Variants in WDFY4 observed in about 807,000 individuals in gnomAD.
WDFY4 encodes WDFY family member 4.
In WDFY4, 169 loss-of-function variants were observed where a neutral mutation model predicts 351.9. The ratio of observed to expected loss-of-function variants is 0.48; its 90% CI spans 0.42 to 0.55. WDFY4 has a LOEUF of 0.55. Among genes scored for constraint, WDFY4 ranks in the 20% least tolerant of loss-of-function variants. WDFY4 has a pLI of 0.00. For missense variants in WDFY4, 3,803 were observed against 3,935.6 expected, an observed-to-expected ratio of 0.97 and a Z score of 0.90; for synonymous variants, 1,622 against 1,574.6, an observed-to-expected ratio of 1.03 and a Z score of -0.71.
At chr10:48,829,568 G>A (rs1346344577) in intron 37 of WDFY4, among the ~76,000 whole-genome samples, 1 of 152,090 alleles carries the variant, frequency 6.6e-6, no homozygotes, top group African/African-American at 2.4e-5. Context: ...TTGTACACAC[G>A]ACCAGGTGCA....
chr10:48,721,924 C>T (rs7901281), intron 4 of WDFY4, among the ~76,000 whole-genome samples: 43,199 of 152,004 alleles, frequency 0.28, 6,391 homozygotes, highest in South Asian at 0.4. Context: ...GTACCTGTCT[C>T]GCCCTCGCCC....
At chr10:48,867,085 G>T (rs1350922200) in intron 39 of WDFY4, among the ~76,000 whole-genome samples, 180 bp from the exon 40 acceptor site, 1 of 151,868 alleles carries the variant, frequency 6.6e-6, no homozygotes, top group Non-Finnish European at 1.5e-5. Context: ...CAGGAGAATT[G>T]CTTGAACCTG....
intron 35 of WDFY4, chr10:48,824,157 C>T: frequency 3.0e-6 from 3 of 985,438 alleles, no homozygotes; most frequent in Non-Finnish European, 3.6e-6. Context: ...ATCTTCTGGA[C>T]TCCGTCTCCA....
intron 32 of WDFY4, among the ~76,000 whole-genome samples, chr10:48,819,451 G>A (rs536768411): frequency 6.6e-6 from 1 of 152,242 alleles, no homozygotes; most frequent in Non-Finnish European, 1.5e-5. Context: ...GCTTAATTAA[G>A]AACGGCCGCA....
In WDFY4 at chr10:48,832,646, C is replaced by A. The variant is rs1370059934; in HGVS notation, c.6600C>A (p.Ser2200Arg). Residue 2200 changes from serine to arginine, a missense_variant, in exon 39 of 62, where the codon AGC becomes AGA. By Grantham distance (110) the Ser-to-Arg change is moderately radical. This residue lies in a region of WDFY4 where 3,054 missense variants were observed against 3,148.6 expected (regional missense o/e 0.97). Coordinates refer to ENST00000325239, the MANE Select transcript of WDFY4 (RefSeq NM_001394531.1). The part of the protein sequence containing the change: ...HHSKVTLWSG[S>R]LSSAMKLMPG... ...GCAAAGTCACTTTGTGGAGTGGAAG[C>A]CTGTCCTCAGCCATGAAGCTGATGC... The A allele has an allele frequency of 1.3e-6, 2 of 1,551,152 alleles. No homozygotes were observed. The highest frequency in any genetic ancestry group is 1.7e-6 in the Non-Finnish European group (2 of 1,146,650).
chr10:48,896,755 C>T (rs1255860465), intron 44 of WDFY4, among the ~76,000 whole-genome samples: 1 of 152,192 alleles, frequency 6.6e-6, no homozygotes, highest in Non-Finnish European at 1.5e-5. Context: ...CTGCCAAGTG[C>T]TCTGTACTCC....
In WDFY4 at chr10:48,731,142, G is replaced by A. The variant is rs1313505810; in HGVS notation, c.1162G>A (p.Val388Ile). 11 of 1,549,784 alleles carry A rather than the reference G, an allele frequency of 7.1e-6. No homozygotes were observed. Among genetic ancestry groups the A allele is most frequent in the Non-Finnish European group, 9.6e-6 (11 of 1,145,642 alleles). ...TGTTAAGAATCTTCAGGCCTTCCAG[G>A]TCCTACAGAATGTTTTCCACAAAGC... ...VTVKNLQAFQ[V>I]LQNVFHKASD... Residue 388 changes from valine to isoleucine, a missense_variant, in exon 9 of 62, where the codon GTC becomes ATC. This residue lies in a region of WDFY4 where 488 missense variants were observed against 456.8 expected (regional missense o/e 1.07). Coordinates refer to ENST00000325239, the MANE Select transcript of WDFY4 (RefSeq NM_001394531.1).
At chr10:48,751,432 G>A (rs1178479757) in intron 12 of WDFY4, among the ~76,000 whole-genome samples, 2 of 152,208 alleles carry the variant, frequency 1.3e-5, no homozygotes, top group Non-Finnish European at 2.9e-5. Context: ...CTGGAAAGGA[G>A]AGGAGCAAAG....
intron 5 of WDFY4, among the ~76,000 whole-genome samples, chr10:48,724,723 T>A (rs1029547112): frequency 6.6e-6 from 1 of 152,114 alleles, no homozygotes; most frequent in African/African-American, 2.4e-5. Context: ...AGACAGATGG[T>A]TGCTGCAGCA....
chr10:48,916,541 C>T (rs981772047), intron 47 of WDFY4, among the ~76,000 whole-genome samples: 1 of 152,186 alleles, frequency 6.6e-6, no homozygotes, highest in Non-Finnish European at 1.5e-5. Context: ...CTCTACCCTA[C>T]TGCCACTTGG....
At chr10:48,955,448 C>T (rs1324434969) in intron 51 of WDFY4, among the ~76,000 whole-genome samples, 5 of 152,176 alleles carry the variant, frequency 3.3e-5, no homozygotes, top group Non-Finnish European at 7.4e-5. Flanking sequence ...GGTAGGTTCC[C>T]CCCTCTCAGA....
intron 12 of WDFY4, among the ~76,000 whole-genome samples, chr10:48,754,866 A>G (rs182148332): frequency 3.9e-5 from 6 of 152,352 alleles, no homozygotes; most frequent in African/African-American, 1.4e-4. Context: ...ATATGACAGC[A>G]GCAACATGGG....
At chr10:48,871,797 T>C (rs990066617) in intron 40 of WDFY4, among the ~76,000 whole-genome samples, 2 of 152,150 alleles carry the variant, frequency 1.3e-5, no homozygotes, top group Middle Eastern at 3.2e-3. Flanking sequence ...TATTAACCAA[T>C]TGGAGTACTA....
rs777971052 is a variant in WDFY4 at position 48,789,906 on chromosome 10, C to T, written c.3987C>T (p.Pro1329=). 1.4e-5 allele frequency: 22 copies of T among 1,552,298 alleles called. No individual in the cohort carries two copies. Among genetic ancestry groups the T allele is most frequent in the African/African-American group, 4.1e-5 (3 of 73,052 alleles). The change falls in exon 22 of 62, where the codon CCC becomes CCT. Residue 1329 remains proline, a synonymous_variant. Transcript: ENST00000325239. ...TTTCATCCCGTGACAATGCCATGCC[C>T]GTGTTCTTGCTGAGGAATTGTGCTG... ...MNISSRDNAM[P]VFLLRNCAGH...
intron 14 of WDFY4, 54 bp downstream of exon 14, chr10:48,774,726 A>G: frequency 6.5e-7 from 1 of 1,544,730 alleles, no homozygotes; most frequent in East Asian, 2.4e-5. Flanking sequence ...TGTCCTTTGC[A>G]GGGCAGGGGT....
At chr10:48,775,568 T>C in intron 14 of WDFY4, 144 bp from the exon 15 acceptor site, 1 of 737,408 alleles carries the variant, frequency 1.4e-6, no homozygotes, top group South Asian at 1.8e-5. Flanking sequence ...ACACCCTGTC[T>C]CCACATTGCT....
Position 48,897,528 on chromosome 10 carries a change from G to A in WDFY4, c.7391G>A (p.Ser2464Asn). 6.4e-7 allele frequency: 1 copy of A among 1,551,098 alleles called. No individual in the cohort carries two copies. The highest frequency in any genetic ancestry group is 8.7e-7 in the Non-Finnish European group (1 of 1,147,020). The change falls in exon 45 of 62, where the codon AGC becomes AAC. Residue 2464 changes from serine to asparagine, a missense_variant. Ser to Asn is a conservative substitution (Grantham distance 46). This residue lies in a region of WDFY4 where 3,054 missense variants were observed against 3,148.6 expected (regional missense o/e 0.97). Coordinates refer to ENST00000325239, the MANE Select transcript of WDFY4 (RefSeq NM_001394531.1). ...GACCATTACTCGTGCCAGTGCCACA[G>A]CTACGCTGACATGCGGGAGCTACGG... is the stretch of plus-strand genomic sequence containing the variant. Reference protein sequence around the residue: ...STDHYSCQCHSYADMRELRQA... With the variant: ...STDHYSCQCHNYADMRELRQA...
intron 12 of WDFY4, among the ~76,000 whole-genome samples, chr10:48,751,416 T>C (rs1047855225): frequency 6.6e-6 from 1 of 152,162 alleles, no homozygotes; most frequent in Admixed American, 6.5e-5. Context: ...TGGGCAGAGA[T>C]GATGGCTGGA....
Position 48,969,411 on chromosome 10 carries a change from G to A in WDFY4, c.8769+163G>A, listed in dbSNP as rs79131434. ...GGAAAGGACTCAGTGACCATGCAAAGGCCCTCCTTGGGCCGGGCCTCAAAC... is the reference window on the plus strand; with the variant it reads ...GGAAAGGACTCAGTGACCATGCAAAAGCCCTCCTTGGGCCGGGCCTCAAAC... On this transcript the variant is annotated intron_variant, in intron 56 of 61. Coordinates refer to ENST00000325239, the MANE Select transcript of WDFY4 (RefSeq NM_001394531.1). Among the ~76,000 whole-genome samples, 110 of 152,298 alleles carry A rather than the reference G, an allele frequency of 7.2e-4. No individual in the cohort carries two copies. The East Asian group carries it at 0.02, about 28-fold the overall frequency.
Sources: gnomAD v4.1 joint callset for allele counts (sites outside exome capture counted in the v4.1 genomes callset) on GRCh38, gnomAD v4.1.1 for gene constraint, gnomAD v4.1.1 regional missense constraint, MANE v1.5 for transcripts, NCBI Gene and HGNC (gene_info 2026-07-23, HGNC 2026-07-21) for gene names.